The following ATOSA variants were observed in gnomAD, a reference collection of about 807,000 sequenced individuals.
ATOSA encodes the protein atos homolog A.
chr15:52,652,122 C>T, the ATOSA span: 3 of 1,334,990 alleles, frequency 2.2e-6, no homozygotes, highest in East Asian at 8.0e-5. Context: ...TGTGCTCAAC[C>T]TCCCCTGCTC....
chr15:52,707,783 G>A, the ATOSA span, among the ~76,000 whole-genome samples: 1 of 152,284 alleles, frequency 6.6e-6, no homozygotes, highest in East Asian at 1.9e-4. Flanking sequence ...TCGTGGAAAA[G>A]GGGAGAGAAG....
chr15:52,639,900 G>A, the ATOSA span, among the ~76,000 whole-genome samples: 1 of 151,484 alleles, frequency 6.6e-6, no homozygotes, highest in Non-Finnish European at 1.5e-5. Context: ...ACAGGCACCC[G>A]CCACCATACC....
At chr15:52,585,165 T>C in the ATOSA span, 2 of 374,740 alleles carry the variant, frequency 5.3e-6, no homozygotes, top group East Asian at 4.8e-5. Flanking sequence ...TAAGGTCCAA[T>C]AACAAATCAA....
At chr15:52,583,141 T>C in the ATOSA span, among the ~76,000 whole-genome samples, 11 of 152,214 alleles carry the variant, frequency 7.2e-5, no homozygotes, top group African/African-American at 2.7e-4. Flanking sequence ...CTTCCCAAAC[T>C]GAAGGAGAAC....
chr15:52,670,300 C>T, the ATOSA span, among the ~76,000 whole-genome samples: 4 of 152,208 alleles, frequency 2.6e-5, no homozygotes, highest in African/African-American at 9.7e-5. Flanking sequence ...ATTTAGCAAT[C>T]CCTACCCAGT....
the ATOSA span, among the ~76,000 whole-genome samples, chr15:52,639,906 A>T: frequency 6.6e-6 from 1 of 150,402 alleles, no homozygotes; most frequent in African/African-American, 2.5e-5. Flanking sequence ...ACCCGCCACC[A>T]TACCCAGCTA....
chr15:52,695,577 G>A, the ATOSA span, among the ~76,000 whole-genome samples: 1 of 152,192 alleles, frequency 6.6e-6, no homozygotes, highest in Non-Finnish European at 1.5e-5. Flanking sequence ...TTGGAACAGT[G>A]AACAAAAAGA....
the ATOSA span, among the ~76,000 whole-genome samples, chr15:52,608,091 T>C: frequency 6.6e-6 from 1 of 152,126 alleles, no homozygotes; most frequent in Admixed American, 6.5e-5. Flanking sequence ...AGTCTCACTA[T>C]GTTGCCCAGG....
At chr15:52,636,605 T>C in the ATOSA span, among the ~76,000 whole-genome samples, 3 of 152,392 alleles carry the variant, frequency 2.0e-5, no homozygotes, top group East Asian at 5.8e-4. Context: ...AGCTGGCATC[T>C]TGATCTTGGG....
the ATOSA span, chr15:52,601,129 G>C: frequency 3.2e-6 from 5 of 1,543,146 alleles, no homozygotes; most frequent in South Asian, 1.2e-5. Flanking sequence ...GAAGAATCCA[G>C]ATCAAAGCAA....
At chr15:52,604,694 T>G in the ATOSA span, among the ~76,000 whole-genome samples, 1 of 152,214 alleles carries the variant, frequency 6.6e-6, no homozygotes, top group African/African-American at 2.4e-5. Context: ...AGTGATGCTT[T>G]TAACCACTGC....
At chr15:52,689,571 T>C in the ATOSA span, among the ~76,000 whole-genome samples, 5 of 152,228 alleles carry the variant, frequency 3.3e-5, no homozygotes, top group African/African-American at 1.2e-4. Context: ...GGTGCTTCAG[T>C]GTACCTGCCT....
At chr15:52,582,261 G>T in the ATOSA span, 1 of 1,600,314 alleles carries the variant, frequency 6.2e-7, no homozygotes, top group Non-Finnish European at 8.5e-7. Flanking sequence ...AACAGGAGCC[G>T]TACGTCTCTA....
At chr15:52,645,204 C>T in the ATOSA span, among the ~76,000 whole-genome samples, 18 of 152,142 alleles carry the variant, frequency 1.2e-4, no homozygotes, top group Non-Finnish European at 1.8e-4. Context: ...TCTGGGAGGC[C>T]GAGGCAGGCA....
At chr15:52,641,133 G>A in the ATOSA span, among the ~76,000 whole-genome samples, 5 of 152,144 alleles carry the variant, frequency 3.3e-5, no homozygotes, top group South Asian at 4.1e-4. Context: ...AACTGCATTC[G>A]TAACTTATGC....
chr15:52,652,039 G>A, the ATOSA span: 1 of 1,487,434 alleles, frequency 6.7e-7, no homozygotes, highest in Non-Finnish European at 8.9e-7. Flanking sequence ...TTCCCTCCGT[G>A]TAAGGTTTTT....
chr15:52,605,330 T>C, the ATOSA span: 1 of 926,530 alleles, frequency 1.1e-6, no homozygotes, highest in East Asian at 2.6e-5. Flanking sequence ...TTTAGACTCA[T>C]TCCTAATACA....
chr15:52,612,846 T>C, the ATOSA span, among the ~76,000 whole-genome samples: 3 of 151,970 alleles, frequency 2.0e-5, no homozygotes, highest in Non-Finnish European at 2.9e-5. Flanking sequence ...TTGGATCACA[T>C]TTGAGAAACT....
chr15:52,670,513 G>A, the ATOSA span, among the ~76,000 whole-genome samples: 1 of 152,128 alleles, frequency 6.6e-6, no homozygotes, highest in Non-Finnish European at 1.5e-5. Context: ...AACTTTTCTT[G>A]CATTATAGTA....
Sources: gnomAD v4.1 joint callset for allele counts (sites outside exome capture counted in the v4.1 genomes callset) on GRCh38, gnomAD v4.1.1 for gene constraint, MANE v1.5 for transcripts, NCBI Gene and HGNC (gene_info 2026-07-23, HGNC 2026-07-21) for gene names.